SGCD: variants seen among roughly 807,000 people sequenced by gnomAD.
SGCD encodes delta-sarcoglycan.
SGCD carries 18 observed loss-of-function variants against 36.6 expected under a neutral mutation model. That is an observed-to-expected ratio of 0.49 (90% CI 0.34 to 0.73). The LOEUF (loss-of-function observed/expected upper bound fraction) is 0.73, where lower values mean the gene tolerates loss of function less well. SGCD is among the 30% of genes least tolerant of loss of function. The probability of loss-of-function intolerance (pLI) is 0.01; values close to 1 mark genes in which losing one functional copy is unlikely to be tolerated. For missense variants in SGCD, 387 were observed against 346.7 expected (o/e 1.12, Z -0.92); for synonymous variants, 133 against 130.6 (o/e 1.02, Z -0.12).
chr5:156,407,297 C>T (rs767627964), intron 3 of SGCD, among the ~76,000 whole-genome samples: 9 of 152,290 alleles, frequency 5.9e-5, no homozygotes, highest in African/African-American at 1.7e-4. Context: ...CTGTTATAAT[C>T]GCAACCCATG....
intron 1 of SGCD, among the ~76,000 whole-genome samples, chr5:156,077,180 G>A (rs1181506470): frequency 6.6e-6 from 1 of 151,906 alleles, no homozygotes; most frequent in African/African-American, 2.4e-5. Flanking sequence ...ATAATATTTT[G>A]GCTTCAACTG....
At chr5:155,850,846 G>C in the SGCD span, among the ~76,000 whole-genome samples, 1 of 152,156 alleles carries the variant, frequency 6.6e-6, no homozygotes, top group Non-Finnish European at 1.5e-5. Context: ...CCTGCCTTCA[G>C]GGAAGTCTCA....
chr5:155,845,196 A>G, the SGCD span, among the ~76,000 whole-genome samples: 2 of 152,258 alleles, frequency 1.3e-5, no homozygotes, highest in East Asian at 3.9e-4. Flanking sequence ...GGGTTTGCCT[A>G]CCTTTCATGA....
chr5:156,203,957 C>A (rs1193448973), intron 3 of SGCD, among the ~76,000 whole-genome samples: 1 of 152,042 alleles, frequency 6.6e-6, no homozygotes, highest in Non-Finnish European at 1.5e-5. Context: ...ATATTTATTG[C>A]ATATGTATCA....
chr5:156,092,665 G>A (rs1019990107), intron 1 of SGCD, among the ~76,000 whole-genome samples: 21 of 152,206 alleles, frequency 1.4e-4, no homozygotes, highest in Non-Finnish European at 3.1e-4. Context: ...CTCAGGGTGA[G>A]TGAGTAGTAT....
At chr5:156,578,849 T>A (rs1760104360) in intron 4 of SGCD, among the ~76,000 whole-genome samples, 1 of 152,214 alleles carries the variant, frequency 6.6e-6, no homozygotes, top group Admixed American at 6.5e-5. Context: ...ATTTTGTTGA[T>A]CTTTTCAAAA....
chr5:156,748,112 A>G (rs907569112), intron 7 of SGCD, among the ~76,000 whole-genome samples: 1 of 152,198 alleles, frequency 6.6e-6, no homozygotes, highest in Non-Finnish European at 1.5e-5. Flanking sequence ...TAGTTTCAAA[A>G]ATCATAAAAG....
chr5:156,646,695 A>G (rs960492619), intron 6 of SGCD, among the ~76,000 whole-genome samples: 1 of 152,196 alleles, frequency 6.6e-6, no homozygotes, highest in African/African-American at 2.4e-5. Context: ...GCTAAGTTTA[A>G]TTGAAAAACT....
chr5:155,886,532 G>A (rs1043384840), intron 1 of SGCD, among the ~76,000 whole-genome samples: 1 of 133,930 alleles, frequency 7.5e-6, no homozygotes. Flanking sequence ...GCGTGGGCGC[G>A]TGTGTGTGTG....
At position 156,617,120 on chromosome 5, in the gene SGCD, G is replaced by T. The variant is rs557448085; in HGVS notation, c.502+22069G>T. ...AATGTAAGCTTTATGATAGCAGGAA[G>T]TTTTGTCTCATAGACTTAGAATAGC... On this transcript the variant is annotated intron_variant, in intron 6 of 8. Transcript: ENST00000337851. Among the ~76,000 whole-genome samples the T allele has an allele frequency of 8.5e-5, 13 of 152,310 alleles. No individual in the cohort carries two copies. In the South Asian group the frequency reaches 1.9e-3, roughly 22 times the overall value.
At chr5:156,105,743 T>G (rs544606412) in intron 1 of SGCD, among the ~76,000 whole-genome samples, 1 of 152,212 alleles carries the variant, frequency 6.6e-6, no homozygotes, top group South Asian at 2.1e-4. Context: ...TTTAGGACAG[T>G]GTGAAGACAC....
intron 2 of SGCD, among the ~76,000 whole-genome samples, chr5:156,337,135 A>G (rs1038531837): frequency 6.6e-6 from 1 of 152,206 alleles, no homozygotes; most frequent in African/African-American, 2.4e-5. Flanking sequence ...TTACCTAAAA[A>G]CTAATATGGC....
intron 1 of SGCD, among the ~76,000 whole-genome samples, chr5:155,903,224 T>A (rs1263469445): frequency 6.6e-6 from 1 of 152,222 alleles, no homozygotes; most frequent in African/African-American, 2.4e-5. Context: ...TTGGTCGTTT[T>A]CTTTTTCTCT....
At chr5:155,903,872 C>T (rs1013688782) in intron 1 of SGCD, among the ~76,000 whole-genome samples, 2 of 152,110 alleles carry the variant, frequency 1.3e-5, no homozygotes, top group Admixed American at 6.6e-5. Context: ...ACTTACTGTG[C>T]GTGTTCTCCT....
At chr5:156,583,202 A>G (rs1454371513) in intron 4 of SGCD, among the ~76,000 whole-genome samples, 3 of 152,128 alleles carry the variant, frequency 2.0e-5, no homozygotes, top group East Asian at 3.9e-4. Flanking sequence ...GCACCCTAAT[A>G]CATCAGACTC....
chr5:156,027,193 A>C (rs772157969), intron 1 of SGCD, among the ~76,000 whole-genome samples: 5 of 152,222 alleles, frequency 3.3e-5, no homozygotes, highest in Non-Finnish European at 5.9e-5. Flanking sequence ...TTTTTCAATC[A>C]CAAACAATCC....
chr5:156,422,441 C>T (rs1295088765), intron 3 of SGCD, among the ~76,000 whole-genome samples: 1 of 152,030 alleles, frequency 6.6e-6, no homozygotes, highest in Non-Finnish European at 1.5e-5. Context: ...GCTTTTTCCA[C>T]TTCCCATTCA....
chr5:156,622,439 AATAAT>A (rs1762286595), intron 6 of SGCD, among the ~76,000 whole-genome samples: 2 of 25,040 alleles, frequency 8.0e-5, no homozygotes, highest in Non-Finnish European at 1.8e-4. Flanking sequence ...TCTAAAAAAT[AATAAT>A]AATAATAATA....
chr5:156,227,679 G>GTAGATTGGGATTGATTTGTCC (rs2127649097), intron 3 of SGCD, among the ~76,000 whole-genome samples: 1 of 151,990 alleles, frequency 6.6e-6, no homozygotes, highest in South Asian at 2.1e-4. Flanking sequence ...CATTGAATTT[G>GTAGATTGGGATTGATTTGTCC]TAGATTGGGA....
Sources: gnomAD v4.1 joint callset for allele counts (sites outside exome capture counted in the v4.1 genomes callset) on GRCh38, gnomAD v4.1.1 for gene constraint, MANE v1.5 for transcripts, NCBI Gene and HGNC (gene_info 2026-07-23, HGNC 2026-07-21) for gene names.